The following SLC4A4 variants were observed in gnomAD, a reference collection of about 807,000 sequenced individuals.
SLC4A4 encodes solute carrier family 4 member 4, also known as electrogenic sodium bicarbonate cotransporter 1.
SLC4A4 carries 27 observed loss-of-function variants against 111.5 expected under a neutral mutation model. The ratio of observed to expected loss-of-function variants is 0.24; its 90% CI spans 0.18 to 0.33. The LOEUF is 0.33. Ranked by LOEUF, SLC4A4 falls within the 10% of genes least tolerant of loss-of-function variation. The probability of loss-of-function intolerance (pLI) is 1.00; values close to 1 mark genes in which losing one functional copy is unlikely to be tolerated. For synonymous variants in SLC4A4, 443 were observed against 463.4 expected (o/e 0.96, Z 0.57); for missense variants, 909 against 1,315.5 (o/e 0.69, Z 4.78).
chr4:71,421,335 G>A (rs1255866507), intron 7 of SLC4A4, among the ~76,000 whole-genome samples: 1 of 152,070 alleles, frequency 6.6e-6, no homozygotes, highest in Non-Finnish European at 1.5e-5. Context: ...GATTCATAAA[G>A]CAAGTCCTGA....
At chr4:71,518,684 A>T (rs1272857021) in intron 16 of SLC4A4, among the ~76,000 whole-genome samples, 1 of 150,158 alleles carries the variant, frequency 6.7e-6, no homozygotes, top group Non-Finnish European at 1.5e-5. Flanking sequence ...AGAGCCTATT[A>T]TACCTGGGGT....
At chr4:71,121,095 AG>A (rs1304429460) in intron 2 of SLC4A4, among the ~76,000 whole-genome samples, 1 of 152,106 alleles carries the variant, frequency 6.6e-6, no homozygotes, top group Non-Finnish European at 1.5e-5. Flanking sequence ...GAGGGTGTGC[AG>A]GGTCCCCCAG....
At chr4:71,167,658 T>C (rs1355037837) in intron 2 of SLC4A4, among the ~76,000 whole-genome samples, 2 of 152,240 alleles carry the variant, frequency 1.3e-5, no homozygotes, top group African/African-American at 4.8e-5. Context: ...GGATGTCTAA[T>C]AGACATCTCA....
At chr4:71,397,699 T>C in intron 7 of SLC4A4, 46 bp downstream of exon 7, 1 of 1,489,800 alleles carries the variant, frequency 6.7e-7, no homozygotes. Flanking sequence ...AGAACGTATA[T>C]CTAAAAGATG....
chr4:71,153,365 C>G (rs766005489), intron 2 of SLC4A4, among the ~76,000 whole-genome samples: 3 of 152,218 alleles, frequency 2.0e-5, no homozygotes, highest in South Asian at 2.1e-4. Flanking sequence ...CACCCAGGAT[C>G]AATACTTTGC....
chr4:71,520,848 G>C (rs536743025), intron 16 of SLC4A4, among the ~76,000 whole-genome samples: 6 of 151,538 alleles, frequency 4.0e-5, no homozygotes, highest in Admixed American at 1.3e-4. Flanking sequence ...CTTTTTTTTG[G>C]GGGGGTGGCT....
chr4:71,317,876 ACTT>A (rs1271281494), intron 3 of SLC4A4, among the ~76,000 whole-genome samples: 1 of 152,052 alleles, frequency 6.6e-6, no homozygotes, highest in Non-Finnish European at 1.5e-5. Flanking sequence ...TAGAAATAAT[ACTT>A]AGGTTATGGG....
In SLC4A4 at chr4:71,074,685, G is replaced by A. The variant is rs183170947; in HGVS notation, c.-65+11897G>A. On this transcript the variant is annotated intron_variant, in intron 1 of 26. Coordinates refer to the SLC4A4 transcript ENST00000649996. ...GGGAGGAAGGAAGAAGGGAGGGAAA[G>A]AGGGAAGGGAGCAAGCAAAAAGAAA... Among the ~76,000 whole-genome samples, 300 of 152,212 alleles carry A rather than the reference G, an allele frequency of 2.0e-3. 3 individuals are homozygous for A. Among genetic ancestry groups the A allele is most frequent in the African/African-American group, 6.8e-3 (284 of 41,548 alleles).
At chr4:71,152,978 AAT>A (rs66865829) in intron 2 of SLC4A4, among the ~76,000 whole-genome samples, 2 of 145,068 alleles carry the variant, frequency 1.4e-5, no homozygotes, top group East Asian at 2.0e-4. Flanking sequence ...TATATATGTA[AAT>A]ATATATGTGT....
chr4:71,099,096 G>A (rs185568078), intron 2 of SLC4A4, among the ~76,000 whole-genome samples: 1 of 152,130 alleles, frequency 6.6e-6, no homozygotes, highest in Non-Finnish European at 1.5e-5. Flanking sequence ...ACTCAACATT[G>A]GACCAAATGG....
chr4:71,111,364 CTATT>C (rs1743079213), intron 2 of SLC4A4, among the ~76,000 whole-genome samples: 1 of 151,744 alleles, frequency 6.6e-6, no homozygotes, highest in African/African-American at 2.4e-5. Flanking sequence ...TTCTTAATCT[CTATT>C]TATTTATTTA....
intron 2 of SLC4A4, among the ~76,000 whole-genome samples, chr4:71,249,231 A>G (rs183987987): frequency 6.6e-6 from 1 of 152,254 alleles, no homozygotes; most frequent in Admixed American, 6.5e-5. Context: ...GGTCCTGTGT[A>G]ATAGGTAGCG....
rs1255075619 is a variant in SLC4A4 at position 71,563,773 on chromosome 4, C to G, written c.3100-20C>G. 2.0e-6 allele frequency: 3 copies of G among 1,473,808 alleles called. No individual in the cohort carries two copies. The African/African-American group carries it at 4.2e-5, about 20-fold the overall frequency. 91.3% of individuals were successfully genotyped at this position (1,473,808 alleles called of 1,614,324 possible). ...GTATAATAAAAACATTCTAAAACCT[C>G]TTGTACATTTTTTTCACAGTCTGAC... On this transcript the variant is annotated intron_variant, in intron 23 of 25. Coordinates refer to ENST00000264485, the MANE Select transcript of SLC4A4 (RefSeq NM_001098484.3).
intron 15 of SLC4A4, among the ~76,000 whole-genome samples, chr4:71,495,276 T>C (rs1324974654): frequency 6.6e-6 from 1 of 152,120 alleles, no homozygotes; most frequent in African/African-American, 2.4e-5. Context: ...TAATGCAACT[T>C]ATCTGTGGGC....
chr4:71,448,171 T>A (rs909636921), intron 9 of SLC4A4, among the ~76,000 whole-genome samples: 4 of 151,858 alleles, frequency 2.6e-5, no homozygotes, highest in African/African-American at 7.3e-5. Flanking sequence ...AATAAAAAAA[T>A]TAGCCAGGCA....
At chr4:71,517,700 T>G (rs2149186546) in intron 16 of SLC4A4, among the ~76,000 whole-genome samples, 1 of 152,322 alleles carries the variant, frequency 6.6e-6, no homozygotes, top group African/African-American at 2.4e-5. Context: ...GCTCCTGATT[T>G]GTTTCTGTGC....
chr4:71,483,505 C>T (rs1204926185), intron 14 of SLC4A4, among the ~76,000 whole-genome samples: 5 of 151,806 alleles, frequency 3.3e-5, no homozygotes, highest in South Asian at 2.1e-4. Context: ...GGCATGATCT[C>T]GTTCCTTTTA....
chr4:71,557,654 G>A lies in SLC4A4; in HGVS notation c.2764-58G>A. ...ATATAAATCAGTAGTGATTAGTTAG[G>A]CATAGTGGAAATGTAATGCAGTAAT... On this transcript the variant is annotated intron_variant, in intron 21 of 25. Transcript: ENST00000264485. 7.3e-6 allele frequency: 11 copies of A among 1,506,006 alleles called. 1 individual carries two copies. The South Asian group carries it at 1.2e-4, about 17-fold the overall frequency. The allele number at this position is 1,506,006 out of a possible 1,614,324, so 93.3% of individuals were successfully genotyped here.
chr4:71,439,806 C>T (rs1002235747), intron 7 of SLC4A4, among the ~76,000 whole-genome samples: 1 of 151,552 alleles, frequency 6.6e-6, no homozygotes, highest in African/African-American at 2.4e-5. Context: ...CGTCTTCCCT[C>T]TCCGTCTTTC....
Sources: allele counts gnomAD v4.1 joint callset (sites outside exome capture counted in the v4.1 genomes callset), GRCh38; gene constraint gnomAD v4.1.1; transcripts MANE v1.5; gene names NCBI Gene and HGNC (gene_info 2026-07-23, HGNC 2026-07-21).